ADAMTS3: variants seen among roughly 807,000 people sequenced by gnomAD.
The protein encoded by ADAMTS3 is ADAM metallopeptidase with thrombospondin type 1 motif 3.
ADAMTS3 carries 73 observed loss-of-function variants against 129.0 expected under a neutral mutation model. The observed-to-expected ratio is 0.57, with a 90% CI of 0.47 to 0.69. ADAMTS3 has a LOEUF of 0.69. Among genes scored for constraint, ADAMTS3 ranks in the 30% least tolerant of loss-of-function variants. ADAMTS3 has a pLI of 0.00. For synonymous variants in ADAMTS3, 477 were observed against 510.8 expected (o/e 0.93, Z 0.89); for missense variants, 1,457 against 1,514.5 (o/e 0.96, Z 0.63).
intron 4 of ADAMTS3, among the ~76,000 whole-genome samples, chr4:72,355,626 G>T (rs1279052400): frequency 6.6e-6 from 1 of 151,968 alleles, no homozygotes; most frequent in Admixed American, 6.6e-5. Flanking sequence ...CCCCTCGTGG[G>T]TTTCCCCCAT....
chr4:72,305,010 T>C (rs935537406), intron 16 of ADAMTS3, among the ~76,000 whole-genome samples: 5 of 152,094 alleles, frequency 3.3e-5, no homozygotes, highest in African/African-American at 1.2e-4. Context: ...TTAAAAATTC[T>C]ATGAAACACC....
intron 3 of ADAMTS3, among the ~76,000 whole-genome samples, chr4:72,489,685 C>A (rs1190498031): frequency 6.6e-6 from 1 of 151,942 alleles, no homozygotes; most frequent in African/African-American, 2.4e-5. Flanking sequence ...TATCATCTCA[C>A]ATCCTCACAT....
intron 3 of ADAMTS3, among the ~76,000 whole-genome samples, chr4:72,483,205 C>T (rs1340498723): frequency 3.9e-5 from 6 of 151,960 alleles, no homozygotes; most frequent in Non-Finnish European, 7.4e-5. Flanking sequence ...AGAAATAAAA[C>T]TCTCTTTCCC....
intron 4 of ADAMTS3, among the ~76,000 whole-genome samples, chr4:72,386,192 C>G (rs1228461089): frequency 6.6e-6 from 1 of 152,156 alleles, no homozygotes; most frequent in East Asian, 1.9e-4. Flanking sequence ...TCGGTACCAA[C>G]TGAATCATTT....
At chr4:72,433,070 A>G (rs1722736649) in intron 3 of ADAMTS3, among the ~76,000 whole-genome samples, 1 of 151,972 alleles carries the variant, frequency 6.6e-6, no homozygotes, top group African/African-American at 2.4e-5. Flanking sequence ...AACAGTTTAC[A>G]GTATTGAAAT....
At chr4:72,543,914 G>A (rs1234612621) in intron 3 of ADAMTS3, among the ~76,000 whole-genome samples, 1 of 152,050 alleles carries the variant, frequency 6.6e-6, no homozygotes, top group Non-Finnish European at 1.5e-5. Flanking sequence ...GGAAGAAAAA[G>A]TAGGCTATTA....
intron 3 of ADAMTS3, among the ~76,000 whole-genome samples, chr4:72,531,315 G>C (rs1054829468): frequency 1.3e-5 from 2 of 152,114 alleles, no homozygotes; most frequent in African/African-American, 4.8e-5. Context: ...TTGGAGGAAA[G>C]CATTCAGGTG....
chr4:72,338,081 T>A (rs757165221), intron 5 of ADAMTS3, among the ~76,000 whole-genome samples: 1 of 152,172 alleles, frequency 6.6e-6, no homozygotes, highest in Non-Finnish European at 1.5e-5. Context: ...GATTGTCTAT[T>A]TGTGCATCTG....
intron 3 of ADAMTS3, among the ~76,000 whole-genome samples, chr4:72,474,410 C>G (rs1181296261): frequency 6.6e-6 from 1 of 151,646 alleles, no homozygotes; most frequent in Non-Finnish European, 1.5e-5. Flanking sequence ...ATATGGTAAC[C>G]CAGACACAAA....
At position 72,404,825 on chromosome 4, in the gene ADAMTS3, A is replaced by AACACACAC. The variant is rs146366382; in HGVS notation, c.661+9982_661+9989dup. 3.4e-3 allele frequency among the ~76,000 whole-genome samples: 509 copies of AACACACAC among 148,910 alleles called. 1 individual carries two copies. Among genetic ancestry groups the AACACACAC allele is most frequent in the African/African-American group, 0.012 (481 of 40,594 alleles). ...AGTAGCAAAACAAACAAGCAAACAAAACACACACACACACACACACACACA... is the reference window on the plus strand; with the variant it reads ...AGTAGCAAAACAAACAAGCAAACAAAACACACACACACACACACACACACACACACACA... On this transcript the variant is annotated intron_variant, in intron 4 of 21. Transcript: ENST00000286657.
At chr4:72,298,820 T>A (rs1436432276) in intron 17 of ADAMTS3, among the ~76,000 whole-genome samples, 1 of 151,636 alleles carries the variant, frequency 6.6e-6, no homozygotes, top group Non-Finnish European at 1.5e-5. Flanking sequence ...ATTTTTAAAT[T>A]AAAATTTTTA....
At chr4:72,527,073 A>G (rs756138731) in intron 3 of ADAMTS3, among the ~76,000 whole-genome samples, 1 of 152,114 alleles carries the variant, frequency 6.6e-6, no homozygotes, top group Non-Finnish European at 1.5e-5. Flanking sequence ...GCATTATGAT[A>G]AAACATCCAT....
chr4:72,526,568 T>TTGTG (rs1176903062), intron 3 of ADAMTS3, among the ~76,000 whole-genome samples: 3 of 28,116 alleles, frequency 1.1e-4, no homozygotes, highest in Admixed American at 5.4e-4. Context: ...CTAATGAAAT[T>TTGTG]TATGTGTGTG....
intron 14 of ADAMTS3, 44 bp from the exon 15 acceptor site, chr4:72,309,564 A>G: frequency 6.2e-7 from 1 of 1,601,582 alleles, no homozygotes; most frequent in Admixed American, 1.7e-5. Flanking sequence ...TAGTGTGCCC[A>G]GTAGTGGTCA....
rs866047271 is a variant in ADAMTS3 at position 72,475,005 on chromosome 4, C to T, written c.505-60034G>A. 4.2e-3 allele frequency among the ~76,000 whole-genome samples: 624 copies of T among 147,000 alleles called. 3 individuals are homozygous for T. The highest frequency in any genetic ancestry group is 0.015 in the African/African-American group (583 of 39,798). On this transcript the variant is annotated intron_variant, in intron 3 of 21. Coordinates refer to ENST00000286657, the MANE Select transcript of ADAMTS3 (RefSeq NM_014243.3). ...TCCCGCCACTGCACTCCAGCCTGGG[C>T]GACAGAGCGAGACTCCGTCTAAAAA...
chr4:72,351,440 TTTAA>T (rs1720433223), intron 4 of ADAMTS3, among the ~76,000 whole-genome samples: 1 of 151,904 alleles, frequency 6.6e-6, no homozygotes, highest in Non-Finnish European at 1.5e-5. Flanking sequence ...AAAATGTCCC[TTTAA>T]TTAAAAAATG....
intron 3 of ADAMTS3, among the ~76,000 whole-genome samples, chr4:72,527,359 C>G (rs192021985): frequency 6.6e-6 from 1 of 152,104 alleles, no homozygotes; most frequent in Non-Finnish European, 1.5e-5. Context: ...AGCATTTATG[C>G]CAGCTTATTA....
At chr4:72,562,356 C>T (rs186245855) in intron 2 of ADAMTS3, among the ~76,000 whole-genome samples, 222 of 152,160 alleles carry the variant, frequency 1.5e-3, no homozygotes, top group African/African-American at 5.0e-3. Context: ...ACTCAGTAAC[C>T]AACTTGTGGG....
chr4:72,430,422 C>T (rs1258601385), intron 3 of ADAMTS3, among the ~76,000 whole-genome samples: 1 of 151,854 alleles, frequency 6.6e-6, no homozygotes, highest in East Asian at 2.0e-4. Context: ...CATGACAGTC[C>T]AAGCCTTAGA....
Sources: gnomAD v4.1 joint callset for allele counts (sites outside exome capture counted in the v4.1 genomes callset) on GRCh38, gnomAD v4.1.1 for gene constraint, MANE v1.5 for transcripts, NCBI Gene and HGNC (gene_info 2026-07-23, HGNC 2026-07-21) for gene names.